Variants in UGT1A3 observed in about 807,000 individuals in gnomAD.
The protein encoded by UGT1A3 is UDP-glucuronosyltransferase 1A3.
A neutral mutation model predicts 41.0 loss-of-function variants in UGT1A3; 31 were observed. That is an observed-to-expected ratio of 0.76 (90% CI 0.57 to 1.02). The LOEUF (loss-of-function observed/expected upper bound fraction) is 1.02. UGT1A3 is among the 50% of genes least tolerant of loss of function. UGT1A3 has a pLI of 0.00. For synonymous variants in UGT1A3, 262 were observed against 257.6 expected, an observed-to-expected ratio of 1.02 and a Z score of -0.17; for missense variants, 737 against 671.0, an observed-to-expected ratio of 1.10 and a Z score of -1.09.
At chr2:233,732,348 G>A (rs2078262793) in intron 1 of UGT1A3, among the ~76,000 whole-genome samples, 1 of 152,214 alleles carries the variant, frequency 6.6e-6, no homozygotes, top group Non-Finnish European at 1.5e-5. Context: ...TGGTGTTTTA[G>A]TCATGAAGTC....
chr2:233,752,614 C>T (rs567429559), intron 1 of UGT1A3: 24 of 152,230 alleles, frequency 1.6e-4, no homozygotes, highest in African/African-American at 5.8e-4. Context: ...AAAACATTAG[C>T]TAGGTGTGGT....
Position 233,757,535 on chromosome 2 carries a change from A to AATATATATATATATAT in UGT1A3, c.868-9488_868-9473dup, listed in dbSNP as rs67292694. On this transcript the variant is annotated intron_variant, in intron 1 of 4. Coordinates refer to ENST00000482026, the MANE Select transcript of UGT1A3 (RefSeq NM_019093.4). Reference sequence around the variant, plus strand: ...CAAAGCCAAAATCTTGCCTGTAAGGAATATATATATATATATATATATATA... The same window carrying AATATATATATATATAT: ...CAAAGCCAAAATCTTGCCTGTAAGGAATATATATATATATATATATATATATATATATATATATATA... 5.8e-3 allele frequency among the ~76,000 whole-genome samples: 508 copies of AATATATATATATATAT among 88,168 alleles called. 6 individuals are homozygous for AATATATATATATATAT. The highest frequency in any genetic ancestry group is 0.021 in the Admixed American group (195 of 9,086). 57.8% of individuals were successfully genotyped at this position (88,168 alleles called of 152,430 possible).
chr2:233,760,246 A>G lies in UGT1A3; in HGVS notation c.868-6788A>G. 2.5e-6 allele frequency: 4 copies of G among 1,608,942 alleles called. No individual in the cohort carries two copies. In the South Asian group the frequency reaches 3.3e-5, roughly 13 times the overall value. On this transcript the variant is annotated intron_variant, in intron 1 of 4. Coordinates refer to ENST00000482026, the MANE Select transcript of UGT1A3 (RefSeq NM_019093.4). ...ATTGGTTTTTGCCATATATATATAT[A>G]TAAGTAGGAGAGGGCGAACCTCTGG...
chr2:233,748,052 C>G, intron 1 of UGT1A3: 1 of 1,613,446 alleles, frequency 6.2e-7, no homozygotes, highest in Non-Finnish European at 8.5e-7. Context: ...GGGGCATCAA[C>G]TGTGCCAACA....
At chr2:233,748,774 G>A (rs2125894622) in intron 1 of UGT1A3, among the ~76,000 whole-genome samples, 2 of 151,474 alleles carry the variant, frequency 1.3e-5, no homozygotes, top group Middle Eastern at 6.8e-3. Flanking sequence ...AGGTCAATTG[G>A]GTCTTCTACT....
rs28898618 is a variant in UGT1A3, at chr2:233,729,359, C to T, written c.233C>T (p.Thr78Ile). ...HIKEENFFTL[T>I]TYAISWTQDE... ...AAAGAAGAGAACTTTTTCACCCTGA[C>T]AACCTATGCCATTTCGTGGACCCAG... is the stretch of plus-strand genomic sequence containing the variant. Residue 78 changes from threonine to isoleucine, a missense_variant, in exon 1 of 5, where the codon ACA (threonine) becomes ATA (isoleucine). Physicochemically the swap from Thr to Ile is moderately conservative, Grantham distance 89. Transcript: ENST00000482026. 8.4e-4 allele frequency: 1,362 copies of T among 1,614,128 alleles called. 14 individuals are homozygous for T. The African/African-American group carries it at 0.016, about 19-fold the overall frequency.
chr2:233,739,629 T>G (rs1457443905), intron 1 of UGT1A3, among the ~76,000 whole-genome samples: 1 of 152,190 alleles, frequency 6.6e-6, no homozygotes, highest in Non-Finnish European at 1.5e-5. Flanking sequence ...CCATTTGAAA[T>G]GGGAACATTT....
intron 1 of UGT1A3, 114 bp from the exon 2 acceptor site, chr2:233,766,920 A>C (rs1699278586): frequency 8.4e-6 from 13 of 1,554,452 alleles, no homozygotes. Context: ...TATCTCAAAC[A>C]CGCATGCCTT....
At chr2:233,758,245 A>G (rs1047370626) in intron 1 of UGT1A3, among the ~76,000 whole-genome samples, 51 of 152,214 alleles carry the variant, frequency 3.4e-4, no homozygotes, top group Non-Finnish European at 1.9e-4. Flanking sequence ...ATTGCCCACT[A>G]TTCAGATTAG....
At chr2:233,762,352 C>T (rs1368513264) in intron 1 of UGT1A3, among the ~76,000 whole-genome samples, 3 of 152,200 alleles carry the variant, frequency 2.0e-5, no homozygotes, top group South Asian at 2.1e-4. Flanking sequence ...GTTCTTTGTA[C>T]TCCAGCTATT....
chr2:233,754,737 G>T, intron 1 of UGT1A3: 1 of 665,248 alleles, frequency 1.5e-6, no homozygotes, highest in Non-Finnish European at 2.5e-6. Flanking sequence ...ACTACCGTAG[G>T]ACATGCAGAA....
rs17868341 is a variant in UGT1A3 at position 233,761,240 on chromosome 2, C to T, written c.868-5794C>T. ...TAACTAGCCCCAGATATATGCTGAG[C>T]AAGCATTCTGAGATAATTTAAAATG... is the stretch of plus-strand genomic sequence containing the variant. On this transcript the variant is annotated intron_variant, in intron 1 of 4. Coordinates refer to ENST00000482026, the MANE Select transcript of UGT1A3 (RefSeq NM_019093.4). 0.052 allele frequency: 84,282 copies of T among 1,611,682 alleles called. 2,670 individuals carry two copies. The highest frequency in any genetic ancestry group is 0.063 in the Non-Finnish European group (74,222 of 1,178,902).
Position 233,772,564 on chromosome 2 carries a change from TG to T in UGT1A3, c.*8del, listed in dbSNP as rs1250920366. 1 of 1,613,176 alleles carries T rather than the reference TG, an allele frequency of 6.2e-7. No individual in the cohort carries two copies. The highest frequency in any genetic ancestry group is 1.7e-5 in the Admixed American group (1 of 59,848). On this transcript the variant is annotated 3_prime_UTR_variant, in exon 5 of 5. Transcript: ENST00000482026. ...CACAAATCCAAGACCCATTGAGAAGTGGGTGGGAAATAAGGTAAAATTTTGA... is the reference window on the plus strand; with the variant it reads ...CACAAATCCAAGACCCATTGAGAAGTGGTGGGAAATAAGGTAAAATTTTGA...
rs796155377 is a variant in UGT1A3 at position 233,747,484 on chromosome 2, G to A, written c.867+17491G>A. ...TCATGGACCCAGGATGAATTTGATC[G>A]CCTTGTGCTGGGCCACACTCAACTG... On this transcript the variant is annotated intron_variant, in intron 1 of 4. Transcript: ENST00000482026. The A allele has an allele frequency of 6.3e-5, 101 of 1,608,658 alleles. 5 individuals are homozygous for A. The African/African-American group carries it at 1.1e-3, about 17-fold the overall frequency.
chr2:233,729,877 C>T lies in UGT1A3; in HGVS notation c.751C>T (p.His251Tyr). 5 of 1,613,842 alleles carry T rather than the reference C, an allele frequency of 3.1e-6. No homozygotes were observed. Among genetic ancestry groups the T allele is most frequent in the Non-Finnish European group, 4.2e-6 (5 of 1,179,828 alleles). ...GGTGTCAGTGGTGGATATTCTCAGT[C>T]ATGCATCTGTGTGGCTGTTCCGAGG... Reference protein sequence around the residue: ...REVSVVDILSHASVWLFRGDF... With the variant: ...REVSVVDILSYASVWLFRGDF... Residue 251 changes from histidine (H) to tyrosine (Y), a missense_variant, in exon 1 of 5, where the codon CAT becomes TAT. By Grantham distance (83) the His-to-Tyr change is moderately conservative. Transcript: ENST00000482026.
chr2:233,734,945 G>A (rs141411255), intron 1 of UGT1A3, among the ~76,000 whole-genome samples: 9,860 of 152,158 alleles, frequency 0.065, 535 homozygotes, highest in African/African-American at 0.16. Context: ...CATATGGTCA[G>A]TTTTAGAATA....
chr2:233,747,009 G>A (rs1693538108), intron 1 of UGT1A3, among the ~76,000 whole-genome samples: 1 of 151,886 alleles, frequency 6.6e-6, no homozygotes, highest in African/African-American at 2.4e-5. Context: ...TCAAGTAGGA[G>A]TGATCGGTCT....
chr2:233,746,316 G>C (rs1048806578), intron 1 of UGT1A3, among the ~76,000 whole-genome samples: 1 of 151,828 alleles, frequency 6.6e-6, no homozygotes, highest in African/African-American at 2.4e-5. Flanking sequence ...GGGCCCTGTA[G>C]ATGATCTACA....
intron 1 of UGT1A3, among the ~76,000 whole-genome samples, chr2:233,744,426 A>T (rs1305871447): frequency 6.6e-6 from 1 of 151,832 alleles, no homozygotes; most frequent in African/African-American, 2.4e-5. Flanking sequence ...TGTGGATTAT[A>T]TCTATCATAC....
Sources: gnomAD v4.1 joint callset for allele counts (sites outside exome capture counted in the v4.1 genomes callset) on GRCh38, gnomAD v4.1.1 for gene constraint, MANE v1.5 for transcripts, NCBI Gene and HGNC (gene_info 2026-07-23, HGNC 2026-07-21) for gene names.